The following CNIH3 variants were observed in gnomAD, a reference collection of about 807,000 sequenced individuals.
CNIH3 encodes protein cornichon homolog 3.
In CNIH3, 14 loss-of-function variants were observed where a neutral mutation model predicts 24.1. That is an observed-to-expected ratio of 0.58 (90% CI 0.38 to 0.91). The LOEUF is 0.91. Ranked by LOEUF, CNIH3 falls within the 40% of genes least tolerant of loss-of-function variation. The pLI is 0.00. For missense variants in CNIH3, 178 were observed against 196.8 expected, an observed-to-expected ratio of 0.90 and a Z score of 0.57; for synonymous variants, 68 against 73.8, an observed-to-expected ratio of 0.92 and a Z score of 0.40.
chr1:224,545,875 G>A (rs1277738710), intron 2 of CNIH3, among the ~76,000 whole-genome samples: 8 of 152,076 alleles, frequency 5.3e-5, no homozygotes, highest in African/African-American at 1.2e-4. Context: ...CTATAGAAAC[G>A]GATTTTCTCC....
intron 3 of CNIH3, among the ~76,000 whole-genome samples, chr1:224,729,869 C>T (rs150351704): frequency 2.4e-4 from 37 of 152,306 alleles, no homozygotes; most frequent in Middle Eastern, 3.4e-3. Flanking sequence ...CCAGAGGCTA[C>T]ACTGTCCCTC....
chr1:224,527,090 G>A (rs572551929), intron 2 of CNIH3, among the ~76,000 whole-genome samples: 290 of 152,272 alleles, frequency 1.9e-3, no homozygotes, highest in African/African-American at 6.7e-3. Flanking sequence ...TGTCACAGCC[G>A]AAACAGACTA....
chr1:224,666,375 C>T (rs143527742), intron 1 of CNIH3, among the ~76,000 whole-genome samples: 1 of 152,272 alleles, frequency 6.6e-6, no homozygotes, highest in Non-Finnish European at 1.5e-5. Flanking sequence ...TCTGGTTGTG[C>T]TCTGAGTTGA....
At chr1:224,689,999 A>T (rs1686852813) in intron 3 of CNIH3, among the ~76,000 whole-genome samples, 1 of 152,096 alleles carries the variant, frequency 6.6e-6, no homozygotes, top group South Asian at 2.1e-4. Context: ...GCTTTTGGGC[A>T]TATAAAGGGT....
chr1:224,503,216 G>T (rs1483793556), intron 1 of CNIH3, among the ~76,000 whole-genome samples: 1 of 152,192 alleles, frequency 6.6e-6, no homozygotes, highest in African/African-American at 2.4e-5. Flanking sequence ...CAATTTAATT[G>T]TGTGTAATTA....
chr1:224,620,046 T>C (rs1438782788), intron 1 of CNIH3, among the ~76,000 whole-genome samples: 1 of 152,266 alleles, frequency 6.6e-6, no homozygotes, highest in Non-Finnish European at 1.5e-5. Context: ...GTGGCCAGCC[T>C]TTCTTTCAAG....
intron 1 of CNIH3, among the ~76,000 whole-genome samples, chr1:224,619,486 C>G (rs979930733): frequency 1.1e-4 from 17 of 152,100 alleles, no homozygotes; most frequent in African/African-American, 4.1e-4. Context: ...TAGTCTCAGT[C>G]CCTCCTTTCC....
chr1:224,482,018 C>A (rs1391286331), intron 1 of CNIH3, among the ~76,000 whole-genome samples: 1 of 152,154 alleles, frequency 6.6e-6, no homozygotes, highest in Non-Finnish European at 1.5e-5. Flanking sequence ...TCCTCATGCA[C>A]CACTACAGGC....
At chr1:224,693,147 TAGTC>T (rs1436089004) in intron 3 of CNIH3, among the ~76,000 whole-genome samples, 4 of 152,244 alleles carry the variant, frequency 2.6e-5, no homozygotes, top group Non-Finnish European at 4.4e-5. Context: ...AACTCCTTGT[TAGTC>T]AGAGGGAAAG....
intron 1 of CNIH3, among the ~76,000 whole-genome samples, chr1:224,652,173 G>A (rs1249055224): frequency 6.6e-6 from 1 of 152,074 alleles, no homozygotes; most frequent in Non-Finnish European, 1.5e-5. Flanking sequence ...GGCAGGTAAT[G>A]GGCCTTGTGA....
intron 3 of CNIH3, among the ~76,000 whole-genome samples, chr1:224,548,747 T>G (rs1679799834): frequency 6.7e-6 from 1 of 149,998 alleles, no homozygotes; most frequent in Non-Finnish European, 1.5e-5. Flanking sequence ...GATACTACTC[T>G]TAATATCACA....
intron 1 of CNIH3, among the ~76,000 whole-genome samples, chr1:224,489,551 G>A (rs2124842673): frequency 3.3e-5 from 5 of 152,230 alleles, no homozygotes; most frequent in Middle Eastern, 6.8e-3. Flanking sequence ...CTCCCCTCCA[G>A]CATCTACCTA....
At chr1:224,714,550 A>G (rs1216920833) in intron 3 of CNIH3, among the ~76,000 whole-genome samples, 1 of 152,204 alleles carries the variant, frequency 6.6e-6, no homozygotes, top group Non-Finnish European at 1.5e-5. Flanking sequence ...TACAGAGGAC[A>G]TGTCCCATTG....
At chr1:224,584,808 T>TC (rs1681429465) in intron 5 of CNIH3, among the ~76,000 whole-genome samples, 1 of 152,200 alleles carries the variant, frequency 6.6e-6, no homozygotes, top group African/African-American at 2.4e-5. Context: ...AGACTTAGTG[T>TC]AAGATAAGAA....
chr1:224,579,401 A>G lies in CNIH3; in HGVS notation n.517-3763A>G, dbSNP rs371474257. ...GTGTGACTTGTCAAATGTGGGTTTT[A>G]CTAGGCTGGTCTGGCTGAAGAACTT... On this transcript the variant is annotated intron_variant and non_coding_transcript_variant, in intron 4 of 5. Coordinates refer to the CNIH3 transcript ENST00000471578. 2.6e-5 allele frequency among the ~76,000 whole-genome samples: 4 copies of G among 152,290 alleles called. No homozygotes were observed. In the East Asian group the frequency reaches 7.7e-4, roughly 29 times the overall value.
intron 1 of CNIH3, among the ~76,000 whole-genome samples, chr1:224,462,140 C>T (rs1169008155): frequency 2.6e-5 from 4 of 152,094 alleles, no homozygotes; most frequent in Admixed American, 6.6e-5. Context: ...TATTTGTTAC[C>T]ATCAATGAAC....
chr1:224,507,584 A>G (rs1162972346), intron 1 of CNIH3, among the ~76,000 whole-genome samples: 1 of 152,224 alleles, frequency 6.6e-6, no homozygotes, highest in African/African-American at 2.4e-5. Context: ...CTGAGGGCCC[A>G]TAGTTAAATC....
At chr1:224,705,857 T>A (rs10915700) in intron 3 of CNIH3, among the ~76,000 whole-genome samples, 1 of 89,822 alleles carries the variant, frequency 1.1e-5, no homozygotes. Context: ...TTTCTTTTTT[T>A]TCTTTTTTTT....
At chr1:224,719,272 C>T (rs576133119) in intron 3 of CNIH3, among the ~76,000 whole-genome samples, 1 of 152,222 alleles carries the variant, frequency 6.6e-6, no homozygotes, top group African/African-American at 2.4e-5. Flanking sequence ...TGAGAAAAAT[C>T]CTTCTTCAGG....
Sources: gnomAD v4.1 joint callset for allele counts (sites outside exome capture counted in the v4.1 genomes callset) on GRCh38, gnomAD v4.1.1 for gene constraint, MANE v1.5 for transcripts, NCBI Gene and HGNC (gene_info 2026-07-23, HGNC 2026-07-21) for gene names.